The following ST8SIA2 variants were observed in gnomAD, a reference collection of about 807,000 sequenced individuals.
The protein encoded by ST8SIA2 is ST8 alpha-N-acetyl-neuraminide alpha-2,8-sialyltransferase 2, also known as alpha-2,8-sialyltransferase 8B.
Under a neutral mutation model 37.6 loss-of-function variants are expected in ST8SIA2, and 22 were observed. The ratio of observed to expected loss-of-function variants is 0.58; its 90% CI spans 0.42 to 0.83. ST8SIA2 has a LOEUF of 0.83. Among genes scored for constraint, ST8SIA2 ranks in the 40% least tolerant of loss-of-function variants. The pLI, the probability that ST8SIA2 is intolerant of heterozygous loss-of-function variation, is 0.00. For synonymous variants in ST8SIA2, 205 were observed against 201.2 expected, an observed-to-expected ratio of 1.02 and a Z score of -0.16; for missense variants, 382 against 484.7, an observed-to-expected ratio of 0.79 and a Z score of 1.99.
In ST8SIA2 at chr15:92,409,927, T is replaced by C. The variant is rs577121152; in HGVS notation, c.98+15765T>C. 6.1e-4 allele frequency among the ~76,000 whole-genome samples: 93 copies of C among 152,310 alleles called. 1 individual carries two copies. The highest frequency in any genetic ancestry group is 2.1e-3 in the African/African-American group (88 of 41,566). On this transcript the variant is annotated intron_variant, in intron 1 of 5. Coordinates refer to ENST00000268164, the MANE Select transcript of ST8SIA2 (RefSeq NM_006011.4). ...GGCGACTGAAAAGATGAGTACAGCA[T>C]AGGGAAGGTGCTCATGGAGTTTGTG...
intron 5 of ST8SIA2, among the ~76,000 whole-genome samples, chr15:92,456,256 C>A (rs1012598075): frequency 6.6e-6 from 1 of 152,244 alleles, no homozygotes; most frequent in Non-Finnish European, 1.5e-5. Flanking sequence ...TGTGAGCCTG[C>A]CTTTCCCATG....
chr15:92,444,788 A>T lies in ST8SIA2; in HGVS notation c.701A>T (p.Asn234Ile), dbSNP rs756012214. The change falls in exon 5 of 6, where the codon AAT becomes ATT. Residue 234 changes from asparagine to isoleucine, a missense_variant. Transcript: ENST00000268164. ...CTGCTGCAACGGCTGCACAGCCTCAATGGCAGCATCCTGTGGATCCCTGCC... is the reference window on the plus strand; with the variant it reads ...CTGCTGCAACGGCTGCACAGCCTCATTGGCAGCATCCTGTGGATCCCTGCC... ...EKLLQRLHSLNGSILWIPAFM... is the reference protein window; with the variant it reads ...EKLLQRLHSLIGSILWIPAFM... The T allele has an allele frequency of 6.2e-7, 1 of 1,614,014 alleles. No individual in the cohort carries two copies. The highest frequency in any genetic ancestry group is 8.5e-7 in the Non-Finnish European group (1 of 1,180,046).
At chr15:92,434,801 C>G (rs979544486) in intron 3 of ST8SIA2, among the ~76,000 whole-genome samples, 1 of 152,212 alleles carries the variant, frequency 6.6e-6, no homozygotes, top group African/African-American at 2.4e-5. Flanking sequence ...TCTCTCAGCC[C>G]TTGGGCTTGT....
intron 1 of ST8SIA2, among the ~76,000 whole-genome samples, chr15:92,426,883 G>C (rs974588701): frequency 6.6e-6 from 1 of 152,142 alleles, no homozygotes; most frequent in East Asian, 1.9e-4. Context: ...GAGGTCAGGG[G>C]GTCAGGAGTT....
chr15:92,398,623 C>T (rs1351342710), intron 1 of ST8SIA2, among the ~76,000 whole-genome samples: 1 of 152,198 alleles, frequency 6.6e-6, no homozygotes, highest in African/African-American at 2.4e-5. Flanking sequence ...TGCTTTGAAA[C>T]ACATTTGCTG....
intron 1 of ST8SIA2, among the ~76,000 whole-genome samples, chr15:92,396,206 G>C (rs1445530737): frequency 6.6e-6 from 1 of 152,134 alleles, no homozygotes. Context: ...CCACTGGCTT[G>C]ACCAGTCCTG....
intron 5 of ST8SIA2, among the ~76,000 whole-genome samples, chr15:92,445,379 G>A (rs961232662): frequency 6.6e-6 from 1 of 152,202 alleles, no homozygotes; most frequent in East Asian, 1.9e-4. Flanking sequence ...GAGTGGGAAT[G>A]GTAACATTGG....
intron 5 of ST8SIA2, among the ~76,000 whole-genome samples, chr15:92,452,736 A>G (rs2049890675): frequency 2.0e-5 from 3 of 152,338 alleles, no homozygotes; most frequent in African/African-American, 7.2e-5. Context: ...TTGACAAAGC[A>G]ACTTGACGGA....
intron 1 of ST8SIA2, chr15:92,417,477 A>C (rs1317725782): frequency 1.3e-5 from 2 of 152,264 alleles, no homozygotes; most frequent in African/African-American, 2.4e-5. Context: ...GGAAGGGAAC[A>C]AAAGAGAGGG....
In ST8SIA2 at chr15:92,394,068, C is replaced by A. The variant is rs1344409865; in HGVS notation, c.4C>A (p.Gln2Lys). The change falls in exon 1 of 6, where the codon CAG (glutamine) becomes AAG (lysine). Residue 2 changes from glutamine to lysine, a missense_variant. Coordinates refer to ENST00000268164, the MANE Select transcript of ST8SIA2 (RefSeq NM_006011.4). Reference sequence around the variant, plus strand: ...TCCCGGCGGGCGCGAACCCACCATGCAGCTGCAGTTCCGGAGCTGGATGCT... The same window carrying A: ...TCCCGGCGGGCGCGAACCCACCATGAAGCTGCAGTTCCGGAGCTGGATGCT... M[Q>K]LQFRSWMLAA... 1.3e-6 allele frequency: 2 copies of A among 1,551,586 alleles called. No individual in the cohort carries two copies. Among genetic ancestry groups the A allele is most frequent in the Non-Finnish European group, 8.7e-7 (1 of 1,146,954 alleles).
chr15:92,454,486 T>C (rs2049905066), intron 5 of ST8SIA2, among the ~76,000 whole-genome samples: 1 of 152,084 alleles, frequency 6.6e-6, no homozygotes, highest in Non-Finnish European at 1.5e-5. Context: ...ATTCAACCCA[T>C]AACAGCTGGG....
chr15:92,396,880 C>T (rs2049435837), intron 1 of ST8SIA2, among the ~76,000 whole-genome samples: 1 of 152,174 alleles, frequency 6.6e-6, no homozygotes, highest in South Asian at 2.1e-4. Flanking sequence ...GGCACAGTGG[C>T]CAGTGAGGGG....
intron 1 of ST8SIA2, among the ~76,000 whole-genome samples, chr15:92,394,629 G>A (rs1434464773): frequency 1.3e-5 from 2 of 152,130 alleles, no homozygotes; most frequent in African/African-American, 2.4e-5. Flanking sequence ...GGGGTTCCTG[G>A]GGCCGGAGCG....
In ST8SIA2 at chr15:92,457,900, G is replaced by A. The variant is rs541543904; in HGVS notation, c.843-6200G>A. On this transcript the variant is annotated intron_variant, in intron 5 of 5. Transcript: ENST00000268164. ...TTGCTGTTAACACCTTTTCCAGTTAGCAATTCTGGGTGAAAAGCCTGGCCC... is the reference window on the plus strand; with the variant it reads ...TTGCTGTTAACACCTTTTCCAGTTAACAATTCTGGGTGAAAAGCCTGGCCC... 2.6e-5 allele frequency among the ~76,000 whole-genome samples: 4 copies of A among 152,314 alleles called. No homozygotes were observed. The East Asian group carries it at 7.7e-4, about 29-fold the overall frequency.
At chr15:92,457,367 T>C (rs1303276531) in intron 5 of ST8SIA2, among the ~76,000 whole-genome samples, 1 of 152,236 alleles carries the variant, frequency 6.6e-6, no homozygotes, top group Non-Finnish European at 1.5e-5. Flanking sequence ...GCTTTGGAGA[T>C]GATTTTGGCA....
At chr15:92,436,167 G>A (rs2049756698) in intron 3 of ST8SIA2, among the ~76,000 whole-genome samples, 1 of 152,180 alleles carries the variant, frequency 6.6e-6, no homozygotes, top group South Asian at 2.1e-4. Context: ...CCGCAAAGAT[G>A]TTCTTTTGAC....
chr15:92,429,921 G>A, intron 1 of ST8SIA2, 128 bp from the exon 2 acceptor site: 1 of 991,112 alleles, frequency 1.0e-6, no homozygotes, highest in Non-Finnish European at 1.6e-6. Context: ...CCATTCTGCA[G>A]AGTCCAGAAT....
intron 5 of ST8SIA2, among the ~76,000 whole-genome samples, chr15:92,451,006 C>G (rs1403501540): frequency 6.6e-6 from 1 of 152,176 alleles, no homozygotes; most frequent in Non-Finnish European, 1.5e-5. Context: ...GCTACCTTGA[C>G]AAAGCATTTC....
At chr15:92,433,921 T>C (rs951700261) in intron 2 of ST8SIA2, among the ~76,000 whole-genome samples, 1 of 141,444 alleles carries the variant, frequency 7.1e-6, no homozygotes, top group Non-Finnish European at 1.6e-5. Flanking sequence ...GAGTTTCTTA[T>C]CAATAGCTTG....
Sources: allele counts gnomAD v4.1 joint callset (sites outside exome capture counted in the v4.1 genomes callset), GRCh38; gene constraint gnomAD v4.1.1; transcripts MANE v1.5; gene names NCBI Gene and HGNC (gene_info 2026-07-23, HGNC 2026-07-21).